Variants in FNBP1L observed in about 807,000 individuals in gnomAD.
FNBP1L encodes the protein formin binding protein 1 like.
A neutral mutation model predicts 91.2 loss-of-function variants in FNBP1L; 36 were observed. The ratio of observed to expected loss-of-function variants is 0.39; its 90% CI spans 0.30 to 0.52. The LOEUF is 0.52. FNBP1L is among the 20% of genes least tolerant of loss of function. FNBP1L has a pLI of 0.66. For synonymous variants in FNBP1L, 242 were observed against 237.0 expected (o/e 1.02, Z -0.19); for missense variants, 571 against 732.1 (o/e 0.78, Z 2.54).
intron 2 of FNBP1L, among the ~76,000 whole-genome samples, chr1:93,510,542 G>T (rs1194589482): frequency 1.3e-5 from 2 of 151,944 alleles, no homozygotes; most frequent in East Asian, 3.8e-4. Context: ...ACTCTAAAAA[G>T]CAGAGCGCCT....
chr1:93,550,851 T>C, intron 15 of FNBP1L, 96 bp from the exon 16 acceptor site: 2 of 1,190,060 alleles, frequency 1.7e-6, no homozygotes, highest in Non-Finnish European at 1.1e-6. Context: ...TACATTGAAA[T>C]CTAGTAGGGT....
At chr1:93,519,512 T>C (rs191595829) in intron 2 of FNBP1L, among the ~76,000 whole-genome samples, 8 of 152,342 alleles carry the variant, frequency 5.3e-5, no homozygotes, top group Non-Finnish European at 7.3e-5. Flanking sequence ...TATTATGTTA[T>C]GTAAGAGTGT....
At chr1:93,517,337 T>A (rs1671161733) in intron 2 of FNBP1L, among the ~76,000 whole-genome samples, 1 of 152,076 alleles carries the variant, frequency 6.6e-6, no homozygotes, top group Non-Finnish European at 1.5e-5. Flanking sequence ...TTTTTTCTTT[T>A]TTTTAAGAGA....
chr1:93,476,081 A>G (rs1258804383), intron 1 of FNBP1L, among the ~76,000 whole-genome samples: 2 of 152,118 alleles, frequency 1.3e-5, no homozygotes, highest in Non-Finnish European at 2.9e-5. Context: ...TATACCTCCA[A>G]TTTCTTTCTC....
intron 9 of FNBP1L, among the ~76,000 whole-genome samples, chr1:93,535,534 C>CT (rs569529892): frequency 1.0e-3 from 155 of 152,032 alleles, no homozygotes; most frequent in African/African-American, 3.5e-3. Flanking sequence ...GTACTCGTGT[C>CT]TTATTAGTAA....
At chr1:93,536,977 T>C (rs1241458140) in intron 10 of FNBP1L, among the ~76,000 whole-genome samples, 3 of 152,114 alleles carry the variant, frequency 2.0e-5, no homozygotes, top group Non-Finnish European at 4.4e-5. Context: ...ATAGGCATTT[T>C]AAATATCAAG....
intron 11 of FNBP1L, among the ~76,000 whole-genome samples, chr1:93,542,481 G>A (rs1160308396): frequency 7.2e-6 from 1 of 139,818 alleles, no homozygotes; most frequent in African/African-American, 2.6e-5. Context: ...CACTTAGGAT[G>A]CCCTACTTTT....
At chr1:93,453,126 G>GTTATT (rs973257415) in intron 1 of FNBP1L, among the ~76,000 whole-genome samples, 3 of 152,088 alleles carry the variant, frequency 2.0e-5, no homozygotes, top group Admixed American at 6.6e-5. Context: ...GGTTATTATA[G>GTTATT]TTATTTCTTG....
At chr1:93,458,203 G>A (rs910571982) in intron 1 of FNBP1L, among the ~76,000 whole-genome samples, 1 of 152,156 alleles carries the variant, frequency 6.6e-6, no homozygotes, top group African/African-American at 2.4e-5. Context: ...TCTTCTACTA[G>A]TATCTTGGAG....
intron 8 of FNBP1L, among the ~76,000 whole-genome samples, chr1:93,533,938 G>A (rs1041386299): frequency 2.6e-5 from 4 of 152,132 alleles, no homozygotes; most frequent in African/African-American, 7.2e-5. Context: ...AGGGCAAAAT[G>A]TACTGTTAAC....
At chr1:93,531,450 A>G in intron 7 of FNBP1L, among the ~76,000 whole-genome samples, 1 of 152,222 alleles carries the variant, frequency 6.6e-6, no homozygotes, top group East Asian at 1.9e-4. Context: ...TAAATTATTT[A>G]ATTGCCTGTT....
chr1:93,551,573 C>G (rs1159200980), intron 16 of FNBP1L: 1 of 985,362 alleles, frequency 1.0e-6, no homozygotes, highest in Non-Finnish European at 1.2e-6. Flanking sequence ...GAATTTGTAG[C>G]TACAGTTTCC....
chr1:93,512,952 A>T (rs1377791326), intron 2 of FNBP1L, among the ~76,000 whole-genome samples: 2 of 152,082 alleles, frequency 1.3e-5, no homozygotes, highest in Admixed American at 6.5e-5. Flanking sequence ...TAGAGACACA[A>T]AAAACCCTTC....
intron 15 of FNBP1L, among the ~76,000 whole-genome samples, chr1:93,550,067 G>A (rs1356648300): frequency 1.3e-5 from 2 of 152,182 alleles, no homozygotes; most frequent in Non-Finnish European, 2.9e-5. Context: ...GGAGAACTGA[G>A]CGACACTTTC....
chr1:93,491,938 A>G (rs1670106217), intron 1 of FNBP1L, among the ~76,000 whole-genome samples: 1 of 152,218 alleles, frequency 6.6e-6, no homozygotes, highest in African/African-American at 2.4e-5. Flanking sequence ...AATAATTTTT[A>G]TAATTTGTAA....
rs911005758 is a variant in FNBP1L, at chr1:93,466,055, GT to G, written c.24+17759del. On this transcript the variant is annotated intron_variant, in intron 1 of 16. Transcript: ENST00000271234. ...TGCCCACTTTTTGATGGAGTTGTTT[GT>G]TTTTTTTTCTTGTAAATTTGTTTCT... is the stretch of plus-strand genomic sequence containing the variant. Among the ~76,000 whole-genome samples, 18 of 150,832 alleles carry G rather than the reference GT, an allele frequency of 1.2e-4. 2 individuals carry two copies. Among genetic ancestry groups the G allele is most frequent in the African/African-American group, 4.1e-4 (17 of 41,132 alleles).
chr1:93,481,789 A>G (rs1015903178), intron 1 of FNBP1L, among the ~76,000 whole-genome samples: 1 of 152,198 alleles, frequency 6.6e-6, no homozygotes, highest in Non-Finnish European at 1.5e-5. Flanking sequence ...TAGATGAGAA[A>G]TTTTTTAAAA....
chr1:93,453,116 GGTTATTATA>G (rs1453640496), intron 1 of FNBP1L, among the ~76,000 whole-genome samples: 1 of 152,022 alleles, frequency 6.6e-6, no homozygotes, highest in Non-Finnish European at 1.5e-5. Flanking sequence ...CTTATATTAC[GGTTATTATA>G]GTTATTTCTT....
At chr1:93,504,968 T>C (rs917724124) in intron 2 of FNBP1L, among the ~76,000 whole-genome samples, 3 of 152,118 alleles carry the variant, frequency 2.0e-5, no homozygotes, top group African/African-American at 7.2e-5. Flanking sequence ...TTTTTTGCCT[T>C]TTTGTGTCAT....
Sources: allele counts gnomAD v4.1 joint callset (sites outside exome capture counted in the v4.1 genomes callset), GRCh38; gene constraint gnomAD v4.1.1; transcripts MANE v1.5; gene names NCBI Gene and HGNC (gene_info 2026-07-23, HGNC 2026-07-21).